The following FXN variants were observed in gnomAD, a reference collection of about 807,000 sequenced individuals.
The protein encoded by FXN is frataxin, mitochondrial.
Under a neutral mutation model 22.4 loss-of-function variants are expected in FXN, and 14 were observed. The ratio of observed to expected loss-of-function variants is 0.62; its 90% CI spans 0.41 to 0.98. The LOEUF (loss-of-function observed/expected upper bound fraction) is 0.98. Among genes scored for constraint, FXN ranks in the 50% least tolerant of loss-of-function variants. The probability of loss-of-function intolerance (pLI) is 0.00; values close to 1 mark genes in which losing one functional copy is unlikely to be tolerated. For missense variants in FXN, 267 were observed against 268.4 expected, an observed-to-expected ratio of 0.99 and a Z score of 0.04; for synonymous variants, 120 against 114.1, an observed-to-expected ratio of 1.05 and a Z score of -0.33.
chr9:69,076,630 C>G lies in FXN; in HGVS notation c.*3868C>G. Reference sequence around the variant, plus strand: ...CAAATTCTGACAGATGCTTTTGCCACCTCTAAAGGAAGACCCATGTTCATA... The same window carrying G: ...CAAATTCTGACAGATGCTTTTGCCAGCTCTAAAGGAAGACCCATGTTCATA... On this transcript the variant is annotated 3_prime_UTR_variant, in exon 5 of 5. Transcript: ENST00000484259. 1.0e-6 allele frequency: 1 copy of G among 985,452 alleles called. No individual in the cohort carries two copies. The highest frequency in any genetic ancestry group is 1.2e-6 in the Non-Finnish European group (1 of 829,944). The allele number at this position is 985,452 out of a possible 1,614,324, so 61.0% of individuals were successfully genotyped here.
chr9:69,060,716 G>A (rs1465135099), intron 3 of FXN, among the ~76,000 whole-genome samples: 1 of 152,180 alleles, frequency 6.6e-6, no homozygotes, highest in Non-Finnish European at 1.5e-5. Flanking sequence ...GAGCATTGGG[G>A]TTTTCTGCCC....
Position 69,075,459 on chromosome 9 carries a change from C to CAAAT in FXN, c.*2717_*2720dup, listed in dbSNP as rs56827613. ...TGGCCAACAGAGCCATACTCCGTCT[C>CAAAT]AAATAAATAAATAAATAAATAAAGG... On this transcript the variant is annotated 3_prime_UTR_variant, in exon 5 of 5. Coordinates refer to ENST00000484259, the MANE Select transcript of FXN (RefSeq NM_000144.5). 396,422 of 916,882 alleles carry CAAAT rather than the reference C, an allele frequency of 0.43. 80,447 individuals carry two copies. The highest frequency in any genetic ancestry group is 0.62 in the East Asian group (5,080 of 8,148). 56.8% of individuals were successfully genotyped at this position (916,882 alleles called of 1,614,324 possible).
chr9:69,066,712 G>A (rs1832171795), intron 4 of FXN, among the ~76,000 whole-genome samples: 1 of 151,560 alleles, frequency 6.6e-6, no homozygotes, highest in Non-Finnish European at 1.5e-5. Flanking sequence ...TACCCCAAAA[G>A]AACTTTCCCC....
At chr9:69,035,989 G>A in intron 1 of FXN, 42 bp downstream of exon 1, 3 of 1,369,116 alleles carry the variant, frequency 2.2e-6, no homozygotes, top group South Asian at 3.1e-5. Context: ...CGCACGCCGC[G>A]GGCCGCACGC....
chr9:69,036,441 A>AT (rs939671456), intron 1 of FXN, among the ~76,000 whole-genome samples: 1 of 152,170 alleles, frequency 6.6e-6, no homozygotes, highest in African/African-American at 2.4e-5. Context: ...TCAAGGCTGG[A>AT]TTTTTTTGAA....
At chr9:69,061,645 A>G (rs2133122888) in intron 3 of FXN, among the ~76,000 whole-genome samples, 1 of 151,874 alleles carries the variant, frequency 6.6e-6, no homozygotes, top group African/African-American at 2.4e-5. Flanking sequence ...CATTAGGTAT[A>G]GCTCCTAAAG....
At chr9:69,041,470 G>A (rs189074418) in intron 1 of FXN, among the ~76,000 whole-genome samples, 3 of 152,320 alleles carry the variant, frequency 2.0e-5, no homozygotes. Flanking sequence ...TGGTGCTGCT[G>A]TGACTGTTCT....
chr9:69,048,497 C>T (rs756162462), intron 2 of FXN, among the ~76,000 whole-genome samples: 2 of 151,872 alleles, frequency 1.3e-5, no homozygotes, highest in Admixed American at 6.6e-5. Context: ...CCCAGCTACT[C>T]GGGAGCCTGA....
rs1832407890 is a variant in FXN, at chr9:69,078,307, T to C, written c.*5545T>C. ...CCACCTGATCCTGCTGGGATTCCTC[T>C]TGCCAGTCCATCAGCAGTTCCCCTT... is the stretch of plus-strand genomic sequence containing the variant. On this transcript the variant is annotated 3_prime_UTR_variant, in exon 5 of 5. Coordinates refer to ENST00000484259, the MANE Select transcript of FXN (RefSeq NM_000144.5). The C allele has an allele frequency of 1.0e-6, 1 of 985,428 alleles. No homozygotes were observed. 61.0% of individuals were successfully genotyped at this position (985,428 alleles called of 1,614,324 possible). A position where few individuals can be genotyped will look rare whatever the true frequency, so the allele number is the denominator to read the frequency against.
intron 1 of FXN, chr9:69,043,391 T>G (rs1230683007): frequency 6.6e-6 from 1 of 152,224 alleles, no homozygotes; most frequent in African/African-American, 2.4e-5. Flanking sequence ...TGAGTTAAGG[T>G]GCTGTTGTCC....
At chr9:69,047,703 C>T (rs1388205371) in intron 2 of FXN, among the ~76,000 whole-genome samples, 1 of 151,990 alleles carries the variant, frequency 6.6e-6, no homozygotes, top group African/African-American at 2.4e-5. Flanking sequence ...TTAGGCCAGA[C>T]TCATTTCTCT....
chr9:69,059,612 G>T (rs975254866), intron 3 of FXN, among the ~76,000 whole-genome samples: 1 of 151,594 alleles, frequency 6.6e-6, no homozygotes, highest in African/African-American at 2.4e-5. Flanking sequence ...CACCATGTTG[G>T]CCTGGCTGGT....
intron 1 of FXN, 21 bp from the exon 2 acceptor site, chr9:69,046,364 C>G (rs1402159181): frequency 2.5e-6 from 4 of 1,580,128 alleles, no homozygotes; most frequent in Non-Finnish European, 2.6e-6. Flanking sequence ...TAGTAACGTA[C>G]TTCTTAACTT....
At chr9:69,071,975 G>C (rs965548218) in intron 4 of FXN, among the ~76,000 whole-genome samples, 2 of 152,316 alleles carry the variant, frequency 1.3e-5, no homozygotes, top group East Asian at 3.9e-4. Context: ...CATACAGAAG[G>C]ATGTGCCTAG....
At position 69,076,628 on chromosome 9, in the gene FXN, C is replaced by T; in HGVS notation, c.*3866C>T. 1.0e-6 allele frequency: 1 copy of T among 985,414 alleles called. No homozygotes were observed. The allele number at this position is 985,414 out of a possible 1,614,324, so 61.0% of individuals were successfully genotyped here. ...CCCAAATTCTGACAGATGCTTTTGC[C>T]ACCTCTAAAGGAAGACCCATGTTCA... is the stretch of plus-strand genomic sequence containing the variant. On this transcript the variant is annotated 3_prime_UTR_variant, in exon 5 of 5. Coordinates refer to ENST00000484259, the MANE Select transcript of FXN (RefSeq NM_000144.5).
At chr9:69,070,469 G>A (rs1009130273) in intron 4 of FXN, among the ~76,000 whole-genome samples, 5 of 152,210 alleles carry the variant, frequency 3.3e-5, no homozygotes, top group Non-Finnish European at 7.3e-5. Context: ...GAGGGAGGCA[G>A]GTAACGATGC....
rs1431132707 is a variant in FXN at position 69,076,621 on chromosome 9, C to T, written c.*3859C>T. 4 of 985,338 alleles carry T rather than the reference C, an allele frequency of 4.1e-6. No individual in the cohort carries two copies. Among genetic ancestry groups the T allele is most frequent in the Non-Finnish European group, 4.8e-6 (4 of 829,938 alleles). 61.0% of individuals were successfully genotyped at this position (985,338 alleles called of 1,614,324 possible). A position where few individuals can be genotyped will look rare whatever the true frequency, so the allele number is the denominator to read the frequency against. ...TACCTGCCCCAAATTCTGACAGATG[C>T]TTTTGCCACCTCTAAAGGAAGACCC... On this transcript the variant is annotated 3_prime_UTR_variant, in exon 5 of 5. Coordinates refer to ENST00000484259, the MANE Select transcript of FXN (RefSeq NM_000144.5).
intron 2 of FXN, among the ~76,000 whole-genome samples, chr9:69,048,613 G>GA (rs914460067): frequency 1.2e-4 from 17 of 145,986 alleles, no homozygotes; most frequent in African/African-American, 2.0e-4. Context: ...CTAAAAAAAA[G>GA]AAAAAAAAAA....
At position 69,072,641 on chromosome 9, in the gene FXN, A is replaced by G. The variant is rs781204747; in HGVS notation, c.512A>G (p.Lys171Arg). The G allele has an allele frequency of 1.9e-6, 3 of 1,614,160 alleles. No individual in the cohort carries two copies. The Admixed American group carries it at 5.0e-5, about 27-fold the overall frequency. Residue 171 changes from lysine (K) to arginine (R), a missense_variant, in exon 5 of 5, where the codon AAA (lysine) becomes AGA (arginine). Physicochemically the swap from Lys to Arg is conservative, Grantham distance 26. Transcript: ENST00000484259. The stretch of plus-strand genomic sequence containing the variant: ...CCTAAGCGTTATGACTGGACTGGGA[A>G]AAACTGGGTGTACTCCCACGACGGC... The part of the protein sequence containing the change: ...SGPKRYDWTG[K>R]NWVYSHDGVS...
Sources: allele counts gnomAD v4.1 joint callset (sites outside exome capture counted in the v4.1 genomes callset), GRCh38; gene constraint gnomAD v4.1.1; transcripts MANE v1.5; gene names NCBI Gene and HGNC (gene_info 2026-07-23, HGNC 2026-07-21).